Variants in IFT88 observed in about 807,000 individuals in gnomAD.
IFT88 encodes intraflagellar transport protein 88 homolog.
In IFT88, 74 loss-of-function variants were observed where a neutral mutation model predicts 119.5. The ratio of observed to expected loss-of-function variants is 0.62; its 90% confidence interval spans 0.51 to 0.75. IFT88 has a LOEUF of 0.75. Ranked by LOEUF, IFT88 falls within the 30% of genes least tolerant of loss-of-function variation. IFT88 has a pLI of 0.00. For missense variants in IFT88, 961 were observed against 977.7 expected (o/e 0.98, Z 0.23); for synonymous variants, 279 against 316.7 (o/e 0.88, Z 1.26).
intron 24 of IFT88, among the ~76,000 whole-genome samples, chr13:20,684,792 AC>A (rs1223429258): frequency 1.3e-5 from 2 of 152,084 alleles, no homozygotes; most frequent in Non-Finnish European, 2.9e-5. Context: ...CTTCTTACTC[AC>A]CACAGGGATT....
At chr13:20,615,754 TG>T in intron 13 of IFT88, 38 bp from the exon 14 acceptor site, 1 of 1,201,954 alleles carries the variant, frequency 8.3e-7, no homozygotes, top group Non-Finnish European at 1.2e-6. Context: ...TATTTTATAC[TG>T]TATCTCTAAA....
chr13:20,583,867 C>CT (rs1262425851), intron 3 of IFT88, among the ~76,000 whole-genome samples: 1 of 152,168 alleles, frequency 6.6e-6, no homozygotes, highest in Non-Finnish European at 1.5e-5. Context: ...TCTCCCAACA[C>CT]TATTTGCTGT....
At position 20,595,095 on chromosome 13, in the gene IFT88, C is replaced by A. The variant is rs577949608; in HGVS notation, c.399-1055C>A. On this transcript the variant is annotated intron_variant, in intron 7 of 25. Transcript: ENST00000351808. ...GAGCCAGGATTTTTAAACTTCTTCACCTCATTAGAAACTTTCTCTATGGCC... is the reference window on the plus strand; with the variant it reads ...GAGCCAGGATTTTTAAACTTCTTCAACTCATTAGAAACTTTCTCTATGGCC... Among the ~76,000 whole-genome samples the A allele has an allele frequency of 2.6e-5, 4 of 152,204 alleles. No individual in the cohort carries two copies. The South Asian group carries it at 8.3e-4, about 32-fold the overall frequency.
chr13:20,680,430 G>A (rs760014677), intron 24 of IFT88, among the ~76,000 whole-genome samples: 7 of 152,214 alleles, frequency 4.6e-5, no homozygotes, highest in Non-Finnish European at 7.3e-5. Context: ...GTTTCTGGCT[G>A]TAGAAGTGGT....
intron 18 of IFT88, chr13:20,642,699 A>G (rs2050132227): frequency 1.3e-5 from 2 of 151,856 alleles, no homozygotes. Flanking sequence ...TGCCAGTGTC[A>G]TTATCTTTTA....
chr13:20,675,306 C>T (rs2056523229), intron 24 of IFT88, among the ~76,000 whole-genome samples: 1 of 152,176 alleles, frequency 6.6e-6, no homozygotes, highest in Non-Finnish European at 1.5e-5. Context: ...TCATGCCTGT[C>T]AGCCTCAGTC....
At chr13:20,607,406 TC>T in intron 13 of IFT88, 1 of 630,960 alleles carries the variant, frequency 1.6e-6, no homozygotes, top group South Asian at 1.5e-5. Context: ...GGTCCTCCTG[TC>T]CCAGATCATT....
At chr13:20,616,894 T>C (rs944835021) in intron 14 of IFT88, among the ~76,000 whole-genome samples, 6 of 152,138 alleles carry the variant, frequency 3.9e-5, no homozygotes, top group Non-Finnish European at 7.4e-5. Context: ...ATGGGACCAC[T>C]GTTGTCTATG....
intron 24 of IFT88, among the ~76,000 whole-genome samples, chr13:20,686,366 T>C (rs905164752): frequency 6.6e-6 from 1 of 152,228 alleles, no homozygotes; most frequent in African/African-American, 2.4e-5. Context: ...AAATGTGTTA[T>C]AGGTATGACA....
At chr13:20,615,766 T>C (rs773204687) in intron 13 of IFT88, 27 bp from the exon 14 acceptor site, 2 of 1,373,892 alleles carry the variant, frequency 1.5e-6, no homozygotes, top group South Asian at 1.2e-5. Flanking sequence ...TATCTCTAAA[T>C]ACAACTTTTT....
chr13:20,655,234 C>A (rs2052539971), intron 21 of IFT88, among the ~76,000 whole-genome samples: 1 of 151,910 alleles, frequency 6.6e-6, no homozygotes, highest in Non-Finnish European at 1.5e-5. Flanking sequence ...GAGATCGAGA[C>A]CATCCTGGCC....
Position 20,598,695 on chromosome 13 carries a change from T to G in IFT88, c.639T>G (p.Tyr213Ter). The change falls in exon 10 of 26, where the codon TAT (tyrosine) becomes TAG (stop). Residue 213 changes from tyrosine (Y) to a stop codon, truncating the protein, a stop_gained. Transcript: ENST00000351808. LOFTEE classifies it high-confidence loss of function. Reference sequence around the variant, plus strand: ...GTCAGTATTCAGTTAATGAAATGTATGCCGAAGCACTTAACACTTATCAAG... The same window carrying G: ...GTCAGTATTCAGTTAATGAAATGTAGGCCGAAGCACTTAACACTTATCAAG... ...LASQYSVNEM[Y>*]AEALNTYQVI... 1.9e-6 allele frequency: 3 copies of G among 1,611,564 alleles called. No homozygotes were observed. The highest frequency in any genetic ancestry group is 2.5e-6 in the Non-Finnish European group (3 of 1,178,362).
intron 20 of IFT88, among the ~76,000 whole-genome samples, chr13:20,652,935 G>A (rs2052032792): frequency 1.3e-5 from 2 of 152,198 alleles, no homozygotes; most frequent in African/African-American, 2.4e-5. Context: ...CCGTGCTCCT[G>A]TGTGAATTTG....
chr13:20,607,160 G>A (rs560480180), intron 13 of IFT88: 3 of 403,044 alleles, frequency 7.4e-6, no homozygotes, highest in South Asian at 2.0e-5. Context: ...GGTACTGTAC[G>A]TGGGGCTCCT....
At chr13:20,583,521 C>G (rs550001177) in intron 3 of IFT88, among the ~76,000 whole-genome samples, 1 of 152,252 alleles carries the variant, frequency 6.6e-6, no homozygotes, top group Admixed American at 6.5e-5. Flanking sequence ...TCTATATATT[C>G]TGGATATTAA....
intron 2 of IFT88, among the ~76,000 whole-genome samples, chr13:20,579,683 C>T (rs2138191747): frequency 6.6e-6 from 1 of 152,272 alleles, no homozygotes; most frequent in East Asian, 1.9e-4. Flanking sequence ...GACAAAGTCC[C>T]CTTTACTCTC....
At position 20,567,910 on chromosome 13, in the gene IFT88, A is replaced by G. The variant is rs139295343; in HGVS notation, c.-7+654A>G. 5,042 of 630,872 alleles carry G rather than the reference A, an allele frequency of 8.0e-3. 44 individuals carry two copies. Among genetic ancestry groups the G allele is most frequent in the Non-Finnish European group, 0.012 (4,131 of 354,884 alleles). 39.1% of individuals were successfully genotyped at this position (630,872 alleles called of 1,614,324 possible). On this transcript the variant is annotated intron_variant, in intron 1 of 25. Transcript: ENST00000351808. ...AAACTGCAGTAGGCTTCTTGGAAGT[A>G]GACCAAGGGTGTCCAATCTTTGGCT...
At chr13:20,605,238 TTC>T (rs2139262538) in intron 13 of IFT88, 133 bp downstream of exon 13, 1 of 427,218 alleles carries the variant, frequency 2.3e-6, no homozygotes, top group South Asian at 4.8e-5. Flanking sequence ...TGAATGTGCA[TTC>T]TGTTTCTTAC....
At position 20,638,344 on chromosome 13, in the gene IFT88, G is replaced by A. The variant is rs1270829941; in HGVS notation, c.1399G>A (p.Ala467Thr). 2.2e-6 allele frequency: 3 copies of A among 1,349,900 alleles called. No homozygotes were observed. The highest frequency in any genetic ancestry group is 2.9e-6 in the Non-Finnish European group (3 of 1,041,318). The allele number at this position is 1,349,900 out of a possible 1,614,324, so 83.6% of individuals were successfully genotyped here. A position where few individuals can be genotyped will look rare whatever the true frequency, so the allele number is the denominator to read the frequency against. Reference sequence around the variant, plus strand: ...GTATTTTACTTAGGGAAAGGATTTTGCACAAGCCAGCAGCTATGCAGATAT... The same window carrying A: ...GTATTTTACTTAGGGAAAGGATTTTACACAAGCCAGCAGCTATGCAGATAT... The part of the protein sequence containing the change: ...SALYYMGKDF[A>T]QASSYADIAV... The change falls in exon 17 of 26, where the codon GCA becomes ACA. Residue 467 changes from alanine to threonine, a missense_variant. Transcript: ENST00000351808.
Sources: gnomAD v4.1 joint callset for allele counts (sites outside exome capture counted in the v4.1 genomes callset) on GRCh38, gnomAD v4.1.1 for gene constraint, MANE v1.5 for transcripts, NCBI Gene and HGNC (gene_info 2026-07-23, HGNC 2026-07-21) for gene names.